Variants in PRRT4 observed in about 807,000 individuals in gnomAD.
PRRT4 encodes proline rich transmembrane protein 4, also known as proline-rich transmembrane protein 4.
A neutral mutation model predicts 55.6 loss-of-function variants in PRRT4; 59 were observed. That is an observed-to-expected ratio of 1.06 (90% confidence interval 0.86 to 1.32). PRRT4 has a LOEUF of 1.32. Ranked by LOEUF, PRRT4 falls within the 40% of genes most tolerant of loss-of-function variation. PRRT4 has a pLI of 0.00. For missense variants in PRRT4, 1,217 were observed against 1,222.0 expected (o/e 1.00, Z 0.06); for synonymous variants, 606 against 601.8 (o/e 1.01, Z -0.10).
chr7:128,358,746 G>C lies in PRRT4; in HGVS notation c.812C>G (p.Ser271Cys). The change falls in exon 4 of 5, where the codon TCC (serine) becomes TGC (cysteine). Residue 271 changes from serine (S) to cysteine (C), a missense_variant. This residue lies in a region of PRRT4 where 564 missense variants were observed against 592.9 expected (regional missense o/e 0.95). Coordinates refer to ENST00000535159, the Ensembl canonical transcript of PRRT4. This position sits in a 1 kb window ranked among gnomAD's most constrained non-coding sequence, Gnocchi z 4.4. ...AGCTGGGTCCAGAGGACTTGGGCTG[G>C]AGAGCTTCCTCTCCAGGGAGTATGG... The C allele has an allele frequency of 6.4e-7, 1 of 1,551,718 alleles. No individual in the cohort carries two copies.
intron 4 of PRRT4, among the ~76,000 whole-genome samples, chr7:128,357,236 A>ACACT (rs1300864584): frequency 9.0e-4 from 127 of 140,892 alleles, no homozygotes; most frequent in East Asian, 4.3e-3. Flanking sequence ...ACACACACAC[A>ACACT]CTCTCTCTCT....
At chr7:128,351,963 T>C in exon 5 of PRRT4, 1 of 1,299,824 alleles carries the variant, frequency 7.7e-7, no homozygotes. Flanking sequence ...AGCCCGACCC[T>C]CCCAGGGGCG....
chr7:128,353,475 G>A (rs1027716175), intron 4 of PRRT4, among the ~76,000 whole-genome samples: 2 of 151,556 alleles, frequency 1.3e-5, no homozygotes, highest in African/African-American at 4.8e-5. Flanking sequence ...ACACACACAC[G>A]TACATCAGGG....
At chr7:128,359,582 C>A in exon 2 of PRRT4, 1 of 1,505,042 alleles carries the variant, frequency 6.6e-7, no homozygotes, top group Non-Finnish European at 8.9e-7. Context: ...ATCGCTGGGC[C>A]CAGAGCGCCG....
chr7:128,359,537 G>A (rs1320964722), exon 2 of PRRT4: 8 of 1,484,704 alleles, frequency 5.4e-6, no homozygotes, highest in Admixed American at 2.5e-5. Flanking sequence ...CCAGGTCACA[G>A]TGCTCCTCCT....
At chr7:128,361,417 T>C (rs1442536100) in intron 1 of PRRT4, 3 of 152,092 alleles carry the variant, frequency 2.0e-5, no homozygotes, top group Admixed American at 2.0e-4. Context: ...ATCTCACCGC[T>C]TCTCTCTGTT....
downstream of PRRT4, chr7:128,350,700 G>C: frequency 8.3e-7 from 1 of 1,202,484 alleles, no homozygotes; most frequent in Non-Finnish European, 1.1e-6. Context: ...ATAGAGCCTG[G>C]CTGCTGACCC....
At chr7:128,359,089 A>G in intron 3 of PRRT4, 60 bp downstream of exon 4, 1 of 1,503,138 alleles carries the variant, frequency 6.7e-7, no homozygotes, top group Non-Finnish European at 9.1e-7. Context: ...TTAGGCTCCT[A>G]GCACAGCGCT....
At position 128,358,724 on chromosome 7, in the gene PRRT4, T is replaced by C; in HGVS notation, c.834A>G (p.Pro278=). Residue 278 remains proline (P), a synonymous_variant, in exon 4 of 5, where the codon CCA becomes CCG. Coordinates refer to ENST00000535159, the Ensembl canonical transcript of PRRT4. This position sits in a 1 kb window ranked among gnomAD's most constrained non-coding sequence, Gnocchi z 4.4. ...TCGAGGCAAAACTTAGGGAAGCAGCTGGGTCCAGAGGACTTGGGCTGGAGA... is the reference window on the plus strand; with the variant it reads ...TCGAGGCAAAACTTAGGGAAGCAGCCGGGTCCAGAGGACTTGGGCTGGAGA... The C allele has an allele frequency of 6.4e-7, 1 of 1,551,738 alleles. No individual in the cohort carries two copies. Among genetic ancestry groups the C allele is most frequent in the African/African-American group, 1.4e-5 (1 of 73,158 alleles).
chr7:128,353,581 A>T (rs961317722), intron 4 of PRRT4, among the ~76,000 whole-genome samples: 1 of 151,984 alleles, frequency 6.6e-6, no homozygotes, highest in Admixed American at 6.6e-5. Flanking sequence ...CCCTTAGCCT[A>T]TCCATGGCAG....
At chr7:128,359,778 T>G in exon 2 of PRRT4, 1 of 1,543,114 alleles carries the variant, frequency 6.5e-7, no homozygotes, top group Non-Finnish European at 8.7e-7. Context: ...TGGGTCTCTG[T>G]GACTGGGCTC....
At chr7:128,355,943 G>A (rs920499406) in intron 4 of PRRT4, among the ~76,000 whole-genome samples, 3 of 152,178 alleles carry the variant, frequency 2.0e-5, no homozygotes, top group Admixed American at 6.5e-5. Context: ...TAAGCTCCAT[G>A]GCAACTACAG....
chr7:128,357,248 T>A (rs142887120), intron 4 of PRRT4, among the ~76,000 whole-genome samples: 85,944 of 137,258 alleles, frequency 0.63, 27,703 homozygotes, highest in Middle Eastern at 0.72. Context: ...TCTCTCTCTC[T>A]CTCTCTCTCT....
chr7:128,352,326 C>A (rs1212786951), exon 5 of PRRT4: 3 of 1,541,704 alleles, frequency 1.9e-6, no homozygotes, highest in Non-Finnish European at 2.6e-6. Flanking sequence ...CCCGCGTGGT[C>A]CCGGCCGACA....
At chr7:128,353,050 G>A (rs546193111) in intron 4 of PRRT4, among the ~76,000 whole-genome samples, 17 of 152,082 alleles carry the variant, frequency 1.1e-4, no homozygotes, top group African/African-American at 4.1e-4. Context: ...CCACCAGAAA[G>A]GAAGCTTTAT....
rs767925342 is a variant in PRRT4, at chr7:128,358,150, G to A, written c.877+531C>T. ...CAGGTCTCAAGATTCCCGAGCCTGT[G>A]GTCTTTCCTCGTACCACCAGCTTGT... is the stretch of plus-strand genomic sequence containing the variant. On this transcript the variant is annotated intron_variant, in intron 4 of 4. Coordinates refer to ENST00000535159, the Ensembl canonical transcript of PRRT4. The surrounding 1 kb of genome is among the most constrained non-coding windows in gnomAD (Gnocchi z 4.4). 7.9e-5 allele frequency among the ~76,000 whole-genome samples: 12 copies of A among 152,148 alleles called. No homozygotes were observed. Among genetic ancestry groups the A allele is most frequent in the Admixed American group, 5.9e-4 (9 of 15,266 alleles).
chr7:128,351,207 G>T, exon 5 of PRRT4: 4 of 1,540,784 alleles, frequency 2.6e-6, no homozygotes, highest in Non-Finnish European at 3.5e-6. Context: ...GGGGCGCAGC[G>T]GGGCCAGAGG....
At chr7:128,356,102 T>G (rs1170159963) in intron 4 of PRRT4, among the ~76,000 whole-genome samples, 2 of 151,628 alleles carry the variant, frequency 1.3e-5, no homozygotes, top group Non-Finnish European at 1.5e-5. Context: ...TTACTAAAAA[T>G]ACAAAAATTA....
At position 128,351,016 on chromosome 7, in the gene PRRT4, G is replaced by C. The variant is rs1463949388; in HGVS notation, c.2540C>G (p.Pro847Arg). The stretch of plus-strand genomic sequence containing the variant: ...CAGGGCCTGGTAGGATCCTGAGGCC[G>C]GGAGGCTGGGGCTGCTTCCTGAGGG... The change falls in exon 5 of 5, where the codon CCG becomes CGG. Residue 847 changes from proline (P) to arginine (R), a missense_variant. Pro to Arg is a moderately radical substitution (Grantham distance 103). Transcript: ENST00000535159. 9 of 1,549,964 alleles carry C rather than the reference G, an allele frequency of 5.8e-6. No homozygotes were observed. The East Asian group carries it at 2.0e-4, about 34-fold the overall frequency.
Sources: allele counts gnomAD v4.1 joint callset (sites outside exome capture counted in the v4.1 genomes callset), GRCh38; gene constraint gnomAD v4.1.1; regional missense constraint gnomAD v4.1.1; non-coding constraint Gnocchi (gnomAD v3.1); transcripts MANE v1.5; gene names NCBI Gene and HGNC (gene_info 2026-07-23, HGNC 2026-07-21).